The following RBFOX1 variants were observed in gnomAD, a reference collection of about 807,000 sequenced individuals.
RBFOX1 encodes the protein RNA binding protein fox-1 homolog 1.
A neutral mutation model predicts 57.7 loss-of-function variants in RBFOX1; 8 were observed. The ratio of observed to expected loss-of-function variants is 0.14; its 90% CI spans 0.08 to 0.25. The LOEUF is 0.25. Among genes scored for constraint, RBFOX1 ranks in the 10% least tolerant of loss-of-function variants. The pLI is 1.00. For synonymous variants in RBFOX1, 326 were observed against 222.4 expected (o/e 1.47, Z -4.15); for missense variants, 611 against 548.5 (o/e 1.11, Z -1.14).
intron 3 of RBFOX1, among the ~76,000 whole-genome samples, chr16:6,943,486 A>G (rs1597955042): frequency 6.6e-6 from 1 of 152,136 alleles, no homozygotes; most frequent in Non-Finnish European, 1.5e-5. Context: ...AGGCAGGCGG[A>G]TCACAAGGTC....
At chr16:7,195,286 C>G (rs1396606003) in intron 4 of RBFOX1, among the ~76,000 whole-genome samples, 1 of 152,160 alleles carries the variant, frequency 6.6e-6, no homozygotes, top group South Asian at 2.1e-4. Flanking sequence ...TTTCATCACA[C>G]AGGCTTGCAA....
At chr16:6,628,077 G>A (rs147790305) in intron 2 of RBFOX1, among the ~76,000 whole-genome samples, 1 of 152,166 alleles carries the variant, frequency 6.6e-6, no homozygotes, top group South Asian at 2.1e-4. Flanking sequence ...GCCCAGCCAG[G>A]CTCCCTTCTC....
intron 2 of RBFOX1, among the ~76,000 whole-genome samples, chr16:6,331,655 A>T (rs1353715499): frequency 4.0e-5 from 6 of 149,412 alleles, no homozygotes; most frequent in African/African-American, 1.5e-4. Flanking sequence ...TCTGTTTTCT[A>T]TTCAGTGTTG....
chr16:6,739,928 A>G (rs1232850511), intron 3 of RBFOX1, among the ~76,000 whole-genome samples: 1 of 152,098 alleles, frequency 6.6e-6, no homozygotes, highest in Non-Finnish European at 1.5e-5. Flanking sequence ...AAGCCATTAC[A>G]CTCTGGTCAC....
intron 2 of RBFOX1, among the ~76,000 whole-genome samples, chr16:6,497,265 G>A (rs1486613793): frequency 6.6e-6 from 1 of 152,160 alleles, no homozygotes; most frequent in African/African-American, 2.4e-5. Context: ...GTGCCTTCCA[G>A]ACCAGCTCTT....
chr16:5,830,138 C>T (rs1567598251), intron 3 of RBFOX1, among the ~76,000 whole-genome samples: 1 of 152,178 alleles, frequency 6.6e-6, no homozygotes, highest in Non-Finnish European at 1.5e-5. Flanking sequence ...GCAAATCGTC[C>T]TGGATACATT....
intron 1 of RBFOX1, among the ~76,000 whole-genome samples, chr16:6,210,377 AAGAG>A (rs1555552425): frequency 1.6e-5 from 2 of 128,438 alleles, no homozygotes; most frequent in African/African-American, 2.6e-5. Flanking sequence ...AAAAAAAAAA[AAGAG>A]AAAGGAAGGA....
At chr16:6,845,093 T>A (rs2093686151) in intron 3 of RBFOX1, among the ~76,000 whole-genome samples, 1 of 152,204 alleles carries the variant, frequency 6.6e-6, no homozygotes, top group South Asian at 2.1e-4. Flanking sequence ...CTTTGTCAGA[T>A]GGATAGATTG....
chr16:7,149,311 G>A (rs2075665358), intron 4 of RBFOX1, among the ~76,000 whole-genome samples: 1 of 151,988 alleles, frequency 6.6e-6, no homozygotes, highest in East Asian at 1.9e-4. Context: ...ATACCACTCA[G>A]GATGCAGGGT....
rs78125790 is a variant in RBFOX1, at chr16:6,299,241, T to G, written c.-126-17754T>G. ...AAACTCATCTGAAACAGTGGACCCT[T>G]TTCCTATTTTTGCTCTTCCGTCTCT... On this transcript the variant is annotated intron_variant, in intron 1 of 15. Coordinates refer to ENST00000550418, the MANE Select transcript of RBFOX1 (RefSeq NM_018723.4). Among the ~76,000 whole-genome samples, 1,174 of 152,310 alleles carry G rather than the reference T, an allele frequency of 7.7e-3. 18 individuals are homozygous for G. Among genetic ancestry groups the G allele is most frequent in the African/African-American group, 0.027 (1,125 of 41,574 alleles).
chr16:5,345,047 C>A (rs1276208898), intron 1 of RBFOX1, among the ~76,000 whole-genome samples: 1 of 152,212 alleles, frequency 6.6e-6, no homozygotes, highest in Non-Finnish European at 1.5e-5. Flanking sequence ...CTTCTGTTCC[C>A]GTCCTCCCCC....
chr16:6,518,278 G>GTT (rs996360180), intron 2 of RBFOX1, among the ~76,000 whole-genome samples: 13 of 152,242 alleles, frequency 8.5e-5, no homozygotes, highest in African/African-American at 3.1e-4. Flanking sequence ...GTTAAGAAAA[G>GTT]TTTTCATCTC....
chr16:7,318,118 G>T (rs2096479458), intron 4 of RBFOX1, among the ~76,000 whole-genome samples: 1 of 151,984 alleles, frequency 6.6e-6, no homozygotes, highest in Non-Finnish European at 1.5e-5. Flanking sequence ...GGTAGTGACG[G>T]TGCTGATGGT....
chr16:6,277,432 G>C (rs79861453), intron 1 of RBFOX1, among the ~76,000 whole-genome samples: 5,283 of 126,976 alleles, frequency 0.042, 203 homozygotes, highest in African/African-American at 0.11. Context: ...ACCCCAGAGA[G>C]AGTGACAGAA....
chr16:5,674,452 G>A (rs777795215), intron 3 of RBFOX1, among the ~76,000 whole-genome samples: 5 of 152,152 alleles, frequency 3.3e-5, no homozygotes, highest in Non-Finnish European at 4.4e-5. Context: ...GACAGGGCCA[G>A]GACTCAGTCT....
At chr16:7,709,170 C>T in intron 15 of RBFOX1, 39 bp downstream of exon 15, 3 of 1,545,278 alleles carry the variant, frequency 1.9e-6, no homozygotes, top group South Asian at 2.3e-5. Flanking sequence ...TTCCTCCTGC[C>T]TCCCTTCCCT....
chr16:7,665,899 A>C (rs2069108036), intron 13 of RBFOX1, among the ~76,000 whole-genome samples: 1 of 152,326 alleles, frequency 6.6e-6, no homozygotes, highest in Admixed American at 6.5e-5. Context: ...TTTGAATTTC[A>C]AATCATTACA....
At chr16:6,634,819 C>T (rs2098418997) in intron 2 of RBFOX1, among the ~76,000 whole-genome samples, 1 of 137,614 alleles carries the variant, frequency 7.3e-6, no homozygotes, top group East Asian at 2.1e-4. Flanking sequence ...ATATATAATA[C>T]AAAGATATAC....
At chr16:5,420,638 A>G (rs545919990) in intron 1 of RBFOX1, among the ~76,000 whole-genome samples, 2 of 151,900 alleles carry the variant, frequency 1.3e-5, no homozygotes, top group East Asian at 1.9e-4. Context: ...GCGTCCCCCA[A>G]CCCTGAGTCT....
Sources: gnomAD v4.1 joint callset for allele counts (sites outside exome capture counted in the v4.1 genomes callset) on GRCh38, gnomAD v4.1.1 for gene constraint, MANE v1.5 for transcripts, NCBI Gene and HGNC (gene_info 2026-07-23, HGNC 2026-07-21) for gene names.